RNLS: variants seen among roughly 807,000 people sequenced by gnomAD.
The protein encoded by RNLS is renalase.
RNLS carries 39 observed loss-of-function variants against 39.8 expected under a neutral mutation model. The ratio of observed to expected loss-of-function variants is 0.98; its 90% CI spans 0.76 to 1.28. The LOEUF is 1.28. Among genes scored for constraint, RNLS ranks in the 50% most tolerant of loss-of-function variants. The pLI is 0.00. For missense variants in RNLS, 410 were observed against 413.3 expected (o/e 0.99, Z 0.07); for synonymous variants, 147 against 150.7 (o/e 0.98, Z 0.18).
At chr10:88,450,035 AG>A (rs370797206) in intron 4 of RNLS, among the ~76,000 whole-genome samples, 27 of 151,752 alleles carry the variant, frequency 1.8e-4, no homozygotes, top group African/African-American at 6.0e-4. Context: ...GCCTTTTGGG[AG>A]GAAAAAAAAA....
chr10:88,349,168 C>G (rs770490571), intron 5 of RNLS, among the ~76,000 whole-genome samples: 1 of 152,106 alleles, frequency 6.6e-6, no homozygotes, highest in Non-Finnish European at 1.5e-5. Flanking sequence ...TTCAATTGTG[C>G]TGAAAGACAC....
At chr10:88,476,810 AG>A (rs1843848061) in intron 4 of RNLS, among the ~76,000 whole-genome samples, 1 of 152,180 alleles carries the variant, frequency 6.6e-6, no homozygotes, top group Non-Finnish European at 1.5e-5. Flanking sequence ...GTAGTTCAGA[AG>A]GGCCTGTTTT....
chr10:88,295,621 C>T (rs1380824515), intron 6 of RNLS, among the ~76,000 whole-genome samples: 1 of 152,108 alleles, frequency 6.6e-6, no homozygotes, highest in Non-Finnish European at 1.5e-5. Flanking sequence ...GGTTGGAATA[C>T]CTTAGGTGTG....
At chr10:88,508,466 G>A (rs1367506256) in intron 4 of RNLS, among the ~76,000 whole-genome samples, 4 of 152,172 alleles carry the variant, frequency 2.6e-5, no homozygotes, top group Non-Finnish European at 5.9e-5. Flanking sequence ...TGAATACTCA[G>A]TACATGTGGC....
intron 4 of RNLS, among the ~76,000 whole-genome samples, chr10:88,504,204 T>C (rs1018552950): frequency 6.6e-5 from 10 of 152,132 alleles, no homozygotes; most frequent in African/African-American, 2.4e-4. Context: ...AGCAAAACTT[T>C]GGGAACAACC....
chr10:88,408,858 G>A (rs770572754), intron 4 of RNLS, among the ~76,000 whole-genome samples: 7 of 151,952 alleles, frequency 4.6e-5, no homozygotes, highest in Non-Finnish European at 8.8e-5. Context: ...TAAATAAATG[G>A]TAAAATACGA....
At chr10:88,282,231 C>A (rs535488979), downstream of RNLS, among the ~76,000 whole-genome samples, 13 of 152,122 alleles carry the variant, frequency 8.5e-5, no homozygotes, top group Admixed American at 2.0e-4. Context: ...ATAAGAAGAC[C>A]ACATGATGCG....
the RNLS span, among the ~76,000 whole-genome samples, chr10:88,200,376 A>T: frequency 6.6e-6 from 1 of 152,158 alleles, no homozygotes; most frequent in South Asian, 2.1e-4. Context: ...CAGTCCTAGG[A>T]AGTAGATGTT....
At chr10:88,520,396 T>C (rs1292626401) in intron 4 of RNLS, among the ~76,000 whole-genome samples, 1 of 152,006 alleles carries the variant, frequency 6.6e-6, no homozygotes, top group Admixed American at 6.6e-5. Context: ...TGCTATCTAG[T>C]CTCTCTTGTG....
At chr10:88,412,893 T>C (rs1356024279) in intron 4 of RNLS, among the ~76,000 whole-genome samples, 1 of 152,194 alleles carries the variant, frequency 6.6e-6, no homozygotes, top group Non-Finnish European at 1.5e-5. Context: ...GTTGAGTGAA[T>C]AAACTTTCAT....
chr10:88,536,152 G>A (rs1162170342), intron 4 of RNLS, among the ~76,000 whole-genome samples: 1 of 152,018 alleles, frequency 6.6e-6, no homozygotes. Flanking sequence ...CATATACTGG[G>A]TATAATAGTG....
chr10:88,267,226 C>A, the RNLS span, among the ~76,000 whole-genome samples: 45 of 152,254 alleles, frequency 3.0e-4, 1 homozygote, highest in African/African-American at 1.0e-3. Flanking sequence ...AGCATCTTGT[C>A]AGATGTTTGA....
chr10:88,463,040 C>T (rs977313926), intron 4 of RNLS, among the ~76,000 whole-genome samples: 1 of 151,976 alleles, frequency 6.6e-6, no homozygotes, highest in Admixed American at 6.6e-5. Flanking sequence ...AACCATACTG[C>T]CTATATTTAG....
the RNLS span, among the ~76,000 whole-genome samples, chr10:88,257,079 T>C: frequency 6.6e-6 from 1 of 152,080 alleles, no homozygotes; most frequent in Non-Finnish European, 1.5e-5. Context: ...AAAATTTCCC[T>C]ACTGAGCTTG....
chr10:88,298,748 G>C (rs1008515025), intron 6 of RNLS, among the ~76,000 whole-genome samples: 1 of 152,008 alleles, frequency 6.6e-6, no homozygotes, highest in African/African-American at 2.4e-5. Flanking sequence ...AGTAAGATTT[G>C]AAAAGAGAAC....
chr10:88,396,705 TA>T (rs35417528), intron 4 of RNLS, among the ~76,000 whole-genome samples: 87,014 of 144,394 alleles, frequency 0.6, 26,013 homozygotes, highest in Admixed American at 0.65. Flanking sequence ...CATAATGGAT[TA>T]AAAAAAAAAA....
intron 5 of RNLS, among the ~76,000 whole-genome samples, chr10:88,348,609 T>C (rs1022392465): frequency 2.0e-5 from 3 of 152,236 alleles, no homozygotes; most frequent in Admixed American, 2.0e-4. Context: ...CAGGCAGCTG[T>C]AGACTTAACC....
intron 4 of RNLS, among the ~76,000 whole-genome samples, chr10:88,484,425 C>T (rs889261670): frequency 5.3e-5 from 8 of 152,010 alleles, no homozygotes; most frequent in African/African-American, 1.7e-4. Flanking sequence ...TCAATCCTCA[C>T]TCATCTATGA....
intron 4 of RNLS, among the ~76,000 whole-genome samples, chr10:88,443,522 C>T (rs954674716): frequency 6.6e-6 from 1 of 152,198 alleles, no homozygotes; most frequent in Non-Finnish European, 1.5e-5. Context: ...GAGGCATCAC[C>T]TCACCCGGGA....
Sources: gnomAD v4.1 joint callset for allele counts (sites outside exome capture counted in the v4.1 genomes callset) on GRCh38, gnomAD v4.1.1 for gene constraint, MANE v1.5 for transcripts, NCBI Gene and HGNC (gene_info 2026-07-23, HGNC 2026-07-21) for gene names.